FMN2: variants seen among roughly 807,000 people sequenced by gnomAD.
FMN2 encodes the protein formin-2.
FMN2 carries 51 observed loss-of-function variants against 142.3 expected under a neutral mutation model. That is an observed-to-expected ratio of 0.36 (90% CI 0.29 to 0.45). The LOEUF (loss-of-function observed/expected upper bound fraction) is 0.45, where lower values mean the gene tolerates loss of function less well. Among genes scored for constraint, FMN2 ranks in the 20% least tolerant of loss-of-function variants. FMN2 has a pLI of 1.00. For missense variants in FMN2, 1,936 were observed against 2,122.8 expected, an observed-to-expected ratio of 0.91 and a Z score of 1.73; for synonymous variants, 882 against 869.8, an observed-to-expected ratio of 1.01 and a Z score of -0.25.
intron 4 of FMN2, among the ~76,000 whole-genome samples, chr1:240,205,242 A>G (rs1163996227): frequency 6.6e-6 from 1 of 152,004 alleles, no homozygotes; most frequent in African/African-American, 2.4e-5. Context: ...GAAGTCTCTC[A>G]TCCTCTCTTT....
In FMN2 at chr1:240,251,204, G is replaced by A. The variant is rs150170864; in HGVS notation, c.4066-6741G>A. On this transcript the variant is annotated intron_variant, in intron 6 of 17. Coordinates refer to ENST00000319653, the MANE Select transcript of FMN2 (RefSeq NM_020066.5). ...ATCTTTCTACTTTTTTGATGTAGGC[G>A]TTTATTATTTTAAGCTTTCCTTTTA... 8.6e-3 allele frequency among the ~76,000 whole-genome samples: 1,309 copies of A among 151,858 alleles called. 25 individuals carry two copies. The highest frequency in any genetic ancestry group is 0.03 in the African/African-American group (1,238 of 41,490).
chr1:240,272,404 G>A (rs1332307617), intron 7 of FMN2, among the ~76,000 whole-genome samples: 1 of 152,138 alleles, frequency 6.6e-6, no homozygotes, highest in African/African-American at 2.4e-5. Flanking sequence ...TCCTTGAGAG[G>A]GGTCGGATTG....
chr1:240,291,096 G>A (rs995154074), intron 7 of FMN2, among the ~76,000 whole-genome samples: 4 of 152,126 alleles, frequency 2.6e-5, no homozygotes, highest in African/African-American at 7.2e-5. Context: ...TTACAGGCGT[G>A]AGCCACCACA....
At chr1:240,330,546 T>G in intron 10 of FMN2, 57 bp from the exon 11 acceptor site, 4 of 1,574,714 alleles carry the variant, frequency 2.5e-6, no homozygotes, top group Non-Finnish European at 3.4e-6. Context: ...ACTCGATGAT[T>G]CAAACAAAAC....
intron 6 of FMN2, among the ~76,000 whole-genome samples, chr1:240,216,445 G>C (rs1373525061): frequency 6.6e-6 from 1 of 152,148 alleles, no homozygotes; most frequent in Non-Finnish European, 1.5e-5. Flanking sequence ...GAATCTCTTT[G>C]TGGGTTTCTT....
chr1:240,365,887 T>C (rs1672652917), intron 14 of FMN2, among the ~76,000 whole-genome samples: 1 of 152,168 alleles, frequency 6.6e-6, no homozygotes, highest in African/African-American at 2.4e-5. Flanking sequence ...ATCACAGCCA[T>C]CTTGCACATA....
chr1:240,154,140 A>G (rs996330787), intron 2 of FMN2, among the ~76,000 whole-genome samples: 1 of 147,342 alleles, frequency 6.8e-6, no homozygotes, highest in African/African-American at 2.5e-5. Flanking sequence ...AAGTGTTACT[A>G]CCTACAAGGC....
chr1:240,166,807 T>C (rs987467138), intron 2 of FMN2, among the ~76,000 whole-genome samples: 3 of 152,206 alleles, frequency 2.0e-5, no homozygotes, highest in Non-Finnish European at 2.9e-5. Context: ...AAGACTTCTA[T>C]GAGTGGAATT....
intron 14 of FMN2, among the ~76,000 whole-genome samples, chr1:240,381,854 C>T (rs1331833477): frequency 6.6e-6 from 1 of 152,130 alleles, no homozygotes; most frequent in Non-Finnish European, 1.5e-5. Context: ...CAACAGACTC[C>T]CAGGCAACAT....
In FMN2 at chr1:240,092,275, G is replaced by A; in HGVS notation, c.166G>A (p.Gly56Ser). ...GKHGKGGGGG[G>S]GGGESGKKKS... The stretch of plus-strand genomic sequence containing the variant: ...GCACGGCAAGGGGGGAGGGGGCGGC[G>A]GCGGCGGCGGGGAGTCGGGCAAGAA... Residue 56 changes from glycine to serine, a missense_variant, in exon 1 of 18, where the codon GGC becomes AGC. Physicochemically the swap from Gly to Ser is moderately conservative, Grantham distance 56. Around this residue, in one of 8 missense-constraint regions of FMN2, gnomAD observed 751 missense variants for 791.8 expected, o/e 0.95. Transcript: ENST00000319653. 6.3e-7 allele frequency: 1 copy of A among 1,577,266 alleles called. No individual in the cohort carries two copies. The highest frequency in any genetic ancestry group is 8.6e-7 in the Non-Finnish European group (1 of 1,159,004).
chr1:240,388,559 T>C (rs1673490546), intron 14 of FMN2, among the ~76,000 whole-genome samples: 1 of 152,108 alleles, frequency 6.6e-6, no homozygotes. Flanking sequence ...AGATCTGGGA[T>C]GCCCTTGGCC....
intron 4 of FMN2, among the ~76,000 whole-genome samples, chr1:240,202,004 A>G (rs555523572): frequency 2.0e-5 from 3 of 152,334 alleles, no homozygotes; most frequent in African/African-American, 7.2e-5. Flanking sequence ...ATGTTGTTGT[A>G]GAGAAGCTTT....
chr1:240,261,232 T>C (rs1668616341), intron 7 of FMN2, among the ~76,000 whole-genome samples: 1 of 152,148 alleles, frequency 6.6e-6, no homozygotes, highest in Admixed American at 6.5e-5. Context: ...TTTGGCTATG[T>C]GGCATTTTTA....
Position 240,396,135 on chromosome 1 carries a change from T to A in FMN2, c.4910+3573T>A, listed in dbSNP as rs535780004. On this transcript the variant is annotated intron_variant, in intron 15 of 17. Coordinates refer to ENST00000319653, the MANE Select transcript of FMN2 (RefSeq NM_020066.5). ...AAAGTATTTGCTAATAAAGTATGCA[T>A]TTTGTTTTTCAGATGTAATTCTGTT... Among the ~76,000 whole-genome samples the A allele has an allele frequency of 3.3e-5, 5 of 152,328 alleles. No homozygotes were observed. In the South Asian group the frequency reaches 8.3e-4, roughly 25 times the overall value.
At chr1:240,358,735 T>C (rs138958166) in intron 14 of FMN2, among the ~76,000 whole-genome samples, 2,482 of 152,202 alleles carry the variant, frequency 0.016, 86 homozygotes, top group African/African-American at 0.057. Flanking sequence ...CCCCCATGAT[T>C]CAATTACCTC....
At chr1:240,221,296 G>A (rs1667101852) in intron 6 of FMN2, among the ~76,000 whole-genome samples, 1 of 152,128 alleles carries the variant, frequency 6.6e-6, no homozygotes, top group South Asian at 2.1e-4. Context: ...TCACCACACT[G>A]TCTTCCACAA....
At position 240,464,768 on chromosome 1, in the gene FMN2, A is replaced by G. The variant is rs189232485; in HGVS notation, c.5061-7604A>G. ...ATGATGTCCTACTTCTGCACTGTCC[A>G]TTACTGAGCCACATTCCTGTAGTCC... On this transcript the variant is annotated intron_variant, in intron 16 of 17. Transcript: ENST00000319653. 3.0e-3 allele frequency among the ~76,000 whole-genome samples: 451 copies of G among 152,278 alleles called. 1 individual carries two copies. Among genetic ancestry groups the G allele is most frequent in the Non-Finnish European group, 5.4e-3 (367 of 68,032 alleles).
chr1:240,372,741 C>T (rs1672914277), intron 14 of FMN2, among the ~76,000 whole-genome samples: 1 of 151,272 alleles, frequency 6.6e-6, no homozygotes, highest in Non-Finnish European at 1.5e-5. Context: ...TCCAGACCAC[C>T]ACAGTAAAGC....
intron 8 of FMN2, among the ~76,000 whole-genome samples, chr1:240,296,108 G>A (rs891029170): frequency 6.6e-6 from 1 of 152,072 alleles, no homozygotes; most frequent in Non-Finnish European, 1.5e-5. Context: ...GATATAGCTG[G>A]GGTTTAGTTC....
Sources: allele counts gnomAD v4.1 joint callset (sites outside exome capture counted in the v4.1 genomes callset), GRCh38; gene constraint gnomAD v4.1.1; regional missense constraint gnomAD v4.1.1; transcripts MANE v1.5; gene names NCBI Gene and HGNC (gene_info 2026-07-23, HGNC 2026-07-21).